Variants in CLASP1 observed in about 807,000 individuals in gnomAD.
CLASP1 encodes cytoplasmic linker associated protein 1.
In CLASP1, 38 loss-of-function variants were observed where a neutral mutation model predicts 192.3. That is an observed-to-expected ratio of 0.20 (90% CI 0.15 to 0.26). The LOEUF is 0.26. Among genes scored for constraint, CLASP1 ranks in the 10% least tolerant of loss-of-function variants. The probability of loss-of-function intolerance (pLI) is 1.00; values close to 1 mark genes in which losing one functional copy is unlikely to be tolerated. For missense variants in CLASP1, 1,433 were observed against 1,932.5 expected, an observed-to-expected ratio of 0.74 and a Z score of 4.85; for synonymous variants, 691 against 712.8, an observed-to-expected ratio of 0.97 and a Z score of 0.49.
chr2:121,497,711 T>TTTTCTTTC (rs376973004), intron 8 of CLASP1, among the ~76,000 whole-genome samples: 1 of 151,812 alleles, frequency 6.6e-6, no homozygotes, highest in Non-Finnish European at 1.5e-5. Context: ...CAGACCCAGC[T>TTTTCTTTC]TTTCTTTCTT....
chr2:121,407,657 T>G (rs955271452), exon 25 of CLASP1: 2 of 1,614,020 alleles, frequency 1.2e-6, no homozygotes, highest in Non-Finnish European at 1.7e-6. Context: ...GGCATCACTG[T>G]TGGCATCATC....
intron 22 of CLASP1, among the ~76,000 whole-genome samples, chr2:121,419,295 A>G (rs574265066): frequency 5.3e-5 from 8 of 152,322 alleles, no homozygotes; most frequent in African/African-American, 1.9e-4. Flanking sequence ...CCAGAGAGAG[A>G]GCCTACCCAC....
At chr2:121,478,630 T>TACACACACACACCCCAC (rs2091956843) in intron 8 of CLASP1, among the ~76,000 whole-genome samples, 3 of 32,492 alleles carry the variant, frequency 9.2e-5, no homozygotes, top group East Asian at 9.9e-4. Context: ...CACACACACA[T>TACACACACACACCCCAC]ACACACACAC....
chr2:121,446,153 G>C lies in CLASP1; in HGVS notation c.1912+1184C>G, dbSNP rs901128708. Among the ~76,000 whole-genome samples the C allele has an allele frequency of 2.6e-5, 4 of 152,270 alleles. No homozygotes were observed. The South Asian group carries it at 8.3e-4, about 32-fold the overall frequency. On this transcript the variant is annotated intron_variant, in intron 19 of 39. Transcript: ENST00000263710. Reference sequence around the variant, plus strand: ...GTATGAGGTATTTCCATAAAAACAAGACTGACTGAGCAAATGTTCCAGAAC... The same window carrying C: ...GTATGAGGTATTTCCATAAAAACAACACTGACTGAGCAAATGTTCCAGAAC...
chr2:121,617,121 G>A (rs1233131834), intron 1 of CLASP1, among the ~76,000 whole-genome samples: 1 of 152,138 alleles, frequency 6.6e-6, no homozygotes, highest in Non-Finnish European at 1.5e-5. Context: ...CACCGGGGCA[G>A]CCCCAGCTTT....
At chr2:121,386,405 C>T (rs2073201679) in intron 32 of CLASP1, among the ~76,000 whole-genome samples, 1 of 152,146 alleles carries the variant, frequency 6.6e-6, no homozygotes, top group Non-Finnish European at 1.5e-5. Context: ...AAATTTTGGC[C>T]TATAGGGCAA....
chr2:121,480,692 C>A (rs1198295058), intron 8 of CLASP1, among the ~76,000 whole-genome samples: 1 of 152,214 alleles, frequency 6.6e-6, no homozygotes, highest in Non-Finnish European at 1.5e-5. Flanking sequence ...CCAATATCAA[C>A]CCCCTTCTTC....
intron 2 of CLASP1, among the ~76,000 whole-genome samples, chr2:121,554,050 T>TAAA (rs74454324): frequency 5.7e-5 from 8 of 139,408 alleles, no homozygotes; most frequent in East Asian, 4.2e-4. Context: ...GCCATCTCTT[T>TAAA]AAAAAAAAAA....
intron 39 of CLASP1, 25 bp from the exon 41 acceptor site, chr2:121,340,972 T>C (rs759371561): frequency 2.7e-6 from 4 of 1,492,702 alleles, no homozygotes; most frequent in Non-Finnish European, 3.7e-6. Flanking sequence ...TGAAACTGAA[T>C]TAGCAGGAAG....
chr2:121,357,770 G>A (rs962143211), intron 37 of CLASP1, among the ~76,000 whole-genome samples: 2 of 152,188 alleles, frequency 1.3e-5, no homozygotes, highest in Admixed American at 1.3e-4. Flanking sequence ...CAGAGAATAT[G>A]AGGGCTCACA....
At chr2:121,603,364 C>T (rs1253193409) in intron 2 of CLASP1, among the ~76,000 whole-genome samples, 1 of 151,970 alleles carries the variant, frequency 6.6e-6, no homozygotes. Context: ...CAAATCAAAA[C>T]CACAATGAGG....
chr2:121,412,703 C>G (rs1005581161), intron 23 of CLASP1, among the ~76,000 whole-genome samples: 2 of 152,100 alleles, frequency 1.3e-5, no homozygotes, highest in Admixed American at 6.5e-5. Context: ...TTCTGTGCTT[C>G]CAAGATGCAT....
chr2:121,485,312 G>A (rs1391188811), intron 8 of CLASP1, among the ~76,000 whole-genome samples: 2 of 152,192 alleles, frequency 1.3e-5, no homozygotes, highest in South Asian at 2.1e-4. Flanking sequence ...AGGAAAAGGG[G>A]CCCTACAAAA....
At chr2:121,397,046 G>C (rs760298161) in intron 30 of CLASP1, 94 bp downstream of exon 31, 67 of 1,218,962 alleles carry the variant, frequency 5.5e-5, no homozygotes, top group Middle Eastern at 3.8e-4. Flanking sequence ...ATAGGTTTGT[G>C]GGTGGGTGGC....
At chr2:121,600,651 C>T (rs1326150865) in intron 2 of CLASP1, among the ~76,000 whole-genome samples, 2 of 152,234 alleles carry the variant, frequency 1.3e-5, no homozygotes, top group Non-Finnish European at 2.9e-5. Context: ...GCACACACTA[C>T]ACTGTACTGT....
intron 2 of CLASP1, among the ~76,000 whole-genome samples, chr2:121,569,008 C>T (rs1304805951): frequency 6.6e-6 from 1 of 152,064 alleles, no homozygotes; most frequent in South Asian, 2.1e-4. Context: ...CATGTGCCTT[C>T]CGGAGATATA....
At chr2:121,559,423 A>T (rs2058873927) in intron 2 of CLASP1, among the ~76,000 whole-genome samples, 1 of 152,234 alleles carries the variant, frequency 6.6e-6, no homozygotes, top group South Asian at 2.1e-4. Flanking sequence ...CATAATAGTC[A>T]AAAAGTGAAA....
intron 37 of CLASP1, among the ~76,000 whole-genome samples, chr2:121,354,937 G>A (rs758272096): frequency 3.3e-5 from 5 of 152,136 alleles, no homozygotes; most frequent in Non-Finnish European, 5.9e-5. Flanking sequence ...TGCCGGGTTC[G>A]TGGTGAGAAC....
chr2:121,411,316 T>C (rs1431165622), intron 23 of CLASP1, among the ~76,000 whole-genome samples: 2 of 152,228 alleles, frequency 1.3e-5, no homozygotes, highest in Non-Finnish European at 2.9e-5. Context: ...GGCCTTGATG[T>C]TTGGTCAAAC....
Sources: gnomAD v4.1 joint callset for allele counts (sites outside exome capture counted in the v4.1 genomes callset) on GRCh38, gnomAD v4.1.1 for gene constraint, MANE v1.5 for transcripts, NCBI Gene and HGNC (gene_info 2026-07-23, HGNC 2026-07-21) for gene names.